The following STK32B variants were observed in gnomAD, a reference collection of about 807,000 sequenced individuals.
STK32B encodes serine/threonine kinase 32B.
STK32B carries 43 observed loss-of-function variants against 52.6 expected under a neutral mutation model. That is an observed-to-expected ratio of 0.82 (90% CI 0.64 to 1.05). The LOEUF (loss-of-function observed/expected upper bound fraction) is 1.05, where lower values mean the gene tolerates loss of function less well. STK32B is among the 50% of genes least tolerant of loss of function. The pLI is 0.00. For missense variants in STK32B, 621 were observed against 534.6 expected (o/e 1.16, Z -1.59); for synonymous variants, 238 against 204.3 (o/e 1.17, Z -1.41).
In STK32B at chr4:5,215,938, A is replaced by C. The variant is rs184913911; in HGVS notation, c.260+47488A>C. ...CACTTTACTCAGTCTGTTTTGTTATAGAACTTTTTTAATTGTGAGAAAATC... is the reference window on the plus strand; with the variant it reads ...CACTTTACTCAGTCTGTTTTGTTATCGAACTTTTTTAATTGTGAGAAAATC... On this transcript the variant is annotated intron_variant, in intron 3 of 11. Coordinates refer to ENST00000282908, the MANE Select transcript of STK32B (RefSeq NM_018401.3). 1.1e-3 allele frequency among the ~76,000 whole-genome samples: 163 copies of C among 152,306 alleles called. 3 individuals are homozygous for C. Among genetic ancestry groups the C allele is most frequent in the Admixed American group, 9.6e-3 (147 of 15,292 alleles).
At chr4:5,439,220 C>G (rs1363917189) in intron 6 of STK32B, among the ~76,000 whole-genome samples, 2 of 150,720 alleles carry the variant, frequency 1.3e-5, no homozygotes, top group East Asian at 3.9e-4. Context: ...GTCCCACCAA[C>G]AGTGTGAAAG....
chr4:5,176,562 A>C (rs73210298), intron 3 of STK32B, among the ~76,000 whole-genome samples: 28,458 of 151,344 alleles, frequency 0.19, 3,360 homozygotes, highest in East Asian at 0.31. Context: ...TCCTTCCTCA[A>C]ACTCCCAAGT....
At chr4:5,269,291 C>T (rs1267149448) in intron 3 of STK32B, among the ~76,000 whole-genome samples, 9 of 152,074 alleles carry the variant, frequency 5.9e-5, no homozygotes, top group Admixed American at 3.9e-4. Context: ...CCTCAGAATT[C>T]AAGAGGAATT....
intron 3 of STK32B, among the ~76,000 whole-genome samples, chr4:5,196,769 A>G (rs1721713960): frequency 6.6e-6 from 1 of 151,966 alleles, no homozygotes; most frequent in South Asian, 2.1e-4. Context: ...AAAATAGATA[A>G]ATATTACTAC....
rs192685112 is a variant in STK32B, at chr4:5,283,657, C to T, written c.261-47563C>T. Among the ~76,000 whole-genome samples, 24 of 152,268 alleles carry T rather than the reference C, an allele frequency of 1.6e-4. 1 individual carries two copies. The East Asian group carries it at 4.6e-3, about 29-fold the overall frequency. On this transcript the variant is annotated intron_variant, in intron 3 of 11. Coordinates refer to ENST00000282908, the MANE Select transcript of STK32B (RefSeq NM_018401.3). The stretch of plus-strand genomic sequence containing the variant: ...CTTTCAACAGATTTCTCAGCAGAAA[C>T]CCTGCAGGCCAGGAGAGAGTGGGAT...
intron 4 of STK32B, among the ~76,000 whole-genome samples, chr4:5,366,271 A>G (rs1415206559): frequency 6.6e-6 from 1 of 152,318 alleles, no homozygotes; most frequent in Non-Finnish European, 1.5e-5. Flanking sequence ...AAAGGGAAAG[A>G]GTGCTGAGAC....
chr4:5,446,777 G>A lies in STK32B; in HGVS notation c.666+1G>A, dbSNP rs1280990274. 3 of 1,613,920 alleles carry A rather than the reference G, an allele frequency of 1.9e-6. No homozygotes were observed. Among genetic ancestry groups the A allele is most frequent in the African/African-American group, 1.3e-5 (1 of 75,022 alleles). On this transcript the variant is annotated splice_donor_variant, in intron 7 of 11. Coordinates refer to ENST00000282908, the MANE Select transcript of STK32B (RefSeq NM_018401.3). LOFTEE classifies it high-confidence loss of function. ...AGCCTATGAGCTGCTGCGGGGCTGG[G>A]TAAGACAGGCACCTGTGCGGTACAC...
chr4:5,398,814 G>A lies in STK32B; in HGVS notation c.472+570G>A, dbSNP rs1737094101. Among the ~76,000 whole-genome samples, 2 of 152,186 alleles carry A rather than the reference G, an allele frequency of 1.3e-5. No individual in the cohort carries two copies. The highest frequency in any genetic ancestry group is 4.1e-4 in the South Asian group (2 of 4,834). ...AACTGATTTAGTAAGTCTGAGATGG[G>A]ACTAGACTCTGCAAAGTCCAGAGTC... On this transcript the variant is annotated intron_variant, in intron 5 of 11. Transcript: ENST00000282908. The surrounding 1 kb of genome is among the most constrained non-coding windows in gnomAD (Gnocchi z 4.9).
At chr4:5,372,195 G>A (rs1735287397) in intron 4 of STK32B, among the ~76,000 whole-genome samples, 1 of 152,240 alleles carries the variant, frequency 6.6e-6, no homozygotes, top group East Asian at 1.9e-4. Flanking sequence ...AAGGATTGGG[G>A]ACCGTGGCAA....
Position 5,079,312 on chromosome 4 carries a change from A to G in STK32B, c.52+27397A>G, listed in dbSNP as rs544148214. ...AAACTGCACTTTTTGCTGTTTTCTT[A>G]GAATAAATTTATTGAAGGAAAATAT... On this transcript the variant is annotated intron_variant, in intron 1 of 11. Transcript: ENST00000282908. Among the ~76,000 whole-genome samples, 10 of 152,204 alleles carry G rather than the reference A, an allele frequency of 6.6e-5. No homozygotes were observed. In the South Asian group the frequency reaches 1.9e-3, roughly 28 times the overall value.
intron 11 of STK32B, among the ~76,000 whole-genome samples, chr4:5,479,293 A>G (rs1421941785): frequency 6.6e-6 from 1 of 151,278 alleles, no homozygotes; most frequent in Non-Finnish European, 1.5e-5. Context: ...CTAATTTTGT[A>G]TTTTTAGTAG....
chr4:5,416,761 T>A, intron 5 of STK32B, 84 bp from the exon 6 acceptor site: 1 of 1,099,744 alleles, frequency 9.1e-7, no homozygotes. Flanking sequence ...TTCTTCACGG[T>A]ATCTCACCTT....
chr4:5,479,731 T>G (rs1718529745), intron 11 of STK32B, among the ~76,000 whole-genome samples: 1 of 152,244 alleles, frequency 6.6e-6, no homozygotes, highest in Non-Finnish European at 1.5e-5. Flanking sequence ...GAATGACTTT[T>G]GCTTTTTTCT....
intron 3 of STK32B, among the ~76,000 whole-genome samples, chr4:5,303,060 C>A (rs2108899619): frequency 6.6e-6 from 1 of 151,596 alleles, no homozygotes; most frequent in Non-Finnish European, 1.5e-5. Context: ...ATGTATATCA[C>A]TTTTTTTATT....
chr4:5,108,981 A>T (rs1292383004), intron 1 of STK32B, among the ~76,000 whole-genome samples: 1 of 152,198 alleles, frequency 6.6e-6, no homozygotes, highest in Non-Finnish European at 1.5e-5. Context: ...GAGGTGCACA[A>T]GGCTGCACTC....
At chr4:5,197,731 T>C (rs1443548736) in intron 3 of STK32B, among the ~76,000 whole-genome samples, 1 of 152,230 alleles carries the variant, frequency 6.6e-6, no homozygotes, top group Non-Finnish European at 1.5e-5. Flanking sequence ...TTGGATGCTA[T>C]CCTTTTATTC....
Position 5,323,741 on chromosome 4 carries a change from T to C in STK32B, c.261-7479T>C, listed in dbSNP as rs188473869. ...TTTCATTCCGGAGTGTGTGGAATGCTCCTGGCTATGTGCTAAATGCAGGGG... is the reference window on the plus strand; with the variant it reads ...TTTCATTCCGGAGTGTGTGGAATGCCCCTGGCTATGTGCTAAATGCAGGGG... On this transcript the variant is annotated intron_variant, in intron 3 of 11. Transcript: ENST00000282908. 6.9e-3 allele frequency among the ~76,000 whole-genome samples: 1,055 copies of C among 152,280 alleles called. 8 individuals are homozygous for C. The highest frequency in any genetic ancestry group is 0.024 in the African/African-American group (991 of 41,544).
chr4:5,343,463 C>G (rs1334547970), intron 4 of STK32B, among the ~76,000 whole-genome samples: 1 of 152,058 alleles, frequency 6.6e-6, no homozygotes, highest in East Asian at 1.9e-4. Flanking sequence ...TGGCTATATA[C>G]CCAGTAATGG....
intron 2 of STK32B, among the ~76,000 whole-genome samples, chr4:5,156,376 A>G (rs1024869362): frequency 2.6e-5 from 4 of 152,168 alleles, no homozygotes; most frequent in African/African-American, 7.2e-5. Context: ...TGATTGACTC[A>G]GGGTTAGCAC....
Sources: gnomAD v4.1 joint callset for allele counts (sites outside exome capture counted in the v4.1 genomes callset) on GRCh38, gnomAD v4.1.1 for gene constraint, Gnocchi (gnomAD v3.1) non-coding constraint, MANE v1.5 for transcripts, NCBI Gene and HGNC (gene_info 2026-07-23, HGNC 2026-07-21) for gene names.